NUDCD1: variants seen among roughly 807,000 people sequenced by gnomAD.
NUDCD1 encodes the protein nudC domain-containing protein 1.
Under a neutral mutation model 67.8 loss-of-function variants are expected in NUDCD1, and 60 were observed. The observed-to-expected ratio is 0.88, with a 90% confidence interval of 0.72 to 1.10. The LOEUF is 1.10. Among genes scored for constraint, NUDCD1 ranks in the 50% least tolerant of loss-of-function variants. NUDCD1 has a pLI of 0.00. For synonymous variants in NUDCD1, 244 were observed against 230.8 expected (o/e 1.06, Z -0.52); for missense variants, 643 against 695.0 (o/e 0.93, Z 0.84).
At chr8:109,259,631 A>T (rs1316020072) in intron 8 of NUDCD1, among the ~76,000 whole-genome samples, 2 of 152,172 alleles carry the variant, frequency 1.3e-5, no homozygotes, top group Non-Finnish European at 2.9e-5. Flanking sequence ...AGGCAGGTTG[A>T]GTACTGGGAA....
rs1274496779 is a variant in NUDCD1, at chr8:109,242,223, C to T, written c.*786G>A. ...ATGATAGATGTACAGGATCGATAAG[C>T]TCTTGCATATTGGAGCTTGCTCTCT... On this transcript the variant is annotated 3_prime_UTR_variant, in exon 10 of 10. Transcript: ENST00000239690. 1 of 397,172 alleles carries T rather than the reference C, an allele frequency of 2.5e-6. No individual in the cohort carries two copies. The highest frequency in any genetic ancestry group is 4.4e-6 in the Non-Finnish European group (1 of 225,102). 24.6% of individuals were successfully genotyped at this position (397,172 alleles called of 1,614,324 possible). A position where few individuals can be genotyped will look rare whatever the true frequency, so the allele number is the denominator to read the frequency against.
chr8:109,328,911 T>C (rs544280755), intron 1 of NUDCD1, among the ~76,000 whole-genome samples: 169 of 151,948 alleles, frequency 1.1e-3, no homozygotes, highest in African/African-American at 3.9e-3. Context: ...ATGAAGAGAA[T>C]TACCAATCAA....
chr8:109,325,539 C>G (rs1364226766), intron 1 of NUDCD1, among the ~76,000 whole-genome samples: 1 of 152,112 alleles, frequency 6.6e-6, no homozygotes, highest in Non-Finnish European at 1.5e-5. Context: ...CTCTACTTTT[C>G]CAGACAGAAG....
intron 1 of NUDCD1, among the ~76,000 whole-genome samples, chr8:109,328,928 C>T (rs1304656222): frequency 6.6e-6 from 1 of 151,974 alleles, no homozygotes; most frequent in Non-Finnish European, 1.5e-5. Flanking sequence ...TCAATAGAAG[C>T]CAATATAAAA....
intron 2 of NUDCD1, chr8:109,298,502 T>C (rs1814898068): frequency 6.6e-6 from 1 of 152,134 alleles, no homozygotes; most frequent in East Asian, 1.9e-4. Flanking sequence ...TAAACAAAAA[T>C]ATTCCATATT....
intron 2 of NUDCD1, among the ~76,000 whole-genome samples, chr8:109,301,050 CAA>C (rs1814975957): frequency 6.6e-6 from 1 of 152,140 alleles, no homozygotes; most frequent in African/African-American, 2.4e-5. Context: ...AAACAAATGC[CAA>C]GAGAATTCAC....
intron 1 of NUDCD1, among the ~76,000 whole-genome samples, chr8:109,328,064 C>T (rs992417964): frequency 1.3e-5 from 2 of 152,122 alleles, no homozygotes; most frequent in African/African-American, 4.8e-5. Context: ...CCACCAGAAA[C>T]ATCCAATAAG....
chr8:109,324,393 CAA>C (rs552947815), intron 1 of NUDCD1, among the ~76,000 whole-genome samples: 1 of 119,258 alleles, frequency 8.4e-6, no homozygotes, highest in African/African-American at 3.0e-5. Context: ...CAAAAAAATA[CAA>C]AAAAAAAAAA....
chr8:109,242,358 T>C lies in NUDCD1; in HGVS notation c.*651A>G. The stretch of plus-strand genomic sequence containing the variant: ...ACTGAATCGTGAAAAATAATAAAAG[T>C]CCTTGTTTTAAACCACTGAGTTTTG... On this transcript the variant is annotated 3_prime_UTR_variant, in exon 10 of 10. Coordinates refer to ENST00000239690, the MANE Select transcript of NUDCD1 (RefSeq NM_032869.4). 1 of 383,224 alleles carries C rather than the reference T, an allele frequency of 2.6e-6. No homozygotes were observed. Among genetic ancestry groups the C allele is most frequent in the Non-Finnish European group, 4.6e-6 (1 of 216,726 alleles). 23.7% of individuals were successfully genotyped at this position (383,224 alleles called of 1,614,324 possible).
intron 6 of NUDCD1, among the ~76,000 whole-genome samples, chr8:109,276,760 A>G (rs1814298918): frequency 6.6e-6 from 1 of 151,826 alleles, no homozygotes; most frequent in South Asian, 2.1e-4. Context: ...GGTTCAAGTG[A>G]CTCTCGTGCC....
chr8:109,262,906 T>A (rs1813898916), intron 8 of NUDCD1, among the ~76,000 whole-genome samples: 1 of 151,462 alleles, frequency 6.6e-6, no homozygotes. Flanking sequence ...ATATAAAAAA[T>A]TAGCTGGGTC....
chr8:109,242,422 T>C lies in NUDCD1; in HGVS notation c.*587A>G, dbSNP rs1039974699. ...TGCAGTGATGGATAATGTGAAATCT[T>C]ATCTCTCTTTGTCTATGTCTGTGGC... On this transcript the variant is annotated 3_prime_UTR_variant, in exon 10 of 10. Transcript: ENST00000239690. 9.7e-6 allele frequency: 3 copies of C among 310,534 alleles called. No individual in the cohort carries two copies. Among genetic ancestry groups the C allele is most frequent in the Non-Finnish European group, 1.7e-5 (3 of 171,548 alleles). The allele number at this position is 310,534 out of a possible 1,614,324, so 19.2% of individuals were successfully genotyped here. A position where few individuals can be genotyped will look rare whatever the true frequency, so the allele number is the denominator to read the frequency against.
chr8:109,305,705 C>T (rs2130076533), intron 2 of NUDCD1, among the ~76,000 whole-genome samples: 1 of 152,224 alleles, frequency 6.6e-6, no homozygotes, highest in Non-Finnish European at 1.5e-5. Context: ...ATTCACCAGG[C>T]TGCTAATCTT....
chr8:109,284,646 C>T (rs1158609011), intron 5 of NUDCD1, among the ~76,000 whole-genome samples: 1 of 151,718 alleles, frequency 6.6e-6, no homozygotes, highest in Admixed American at 6.6e-5. Context: ...CACACAGTAT[C>T]ATGGAAATTA....
chr8:109,293,193 T>C, intron 4 of NUDCD1, 151 bp downstream of exon 4: 13 of 430,614 alleles, frequency 3.0e-5, no homozygotes. Flanking sequence ...AAAAACTATC[T>C]ATACATATTC....
In NUDCD1 at chr8:109,258,585, GC is replaced by G. The variant is rs1813792339; in HGVS notation, c.1299+12419del. On this transcript the variant is annotated intron_variant, in intron 8 of 9. Transcript: ENST00000239690. ...TATGATAGCTGCTAAAAATGGCTTTGCCCTTTAAGATTCTAGAAGGAAAATA... is the reference window on the plus strand; with the variant it reads ...TATGATAGCTGCTAAAAATGGCTTTGCCTTTAAGATTCTAGAAGGAAAATA... Among the ~76,000 whole-genome samples the G allele has an allele frequency of 2.6e-5, 4 of 151,950 alleles. No homozygotes were observed. In the South Asian group the frequency reaches 8.3e-4, roughly 32 times the overall value.
At chr8:109,321,583 AAAG>A (rs1168717145) in intron 2 of NUDCD1, among the ~76,000 whole-genome samples, 1 of 152,162 alleles carries the variant, frequency 6.6e-6, no homozygotes, top group African/African-American at 2.4e-5. Context: ...ACCAAGGAAC[AAAG>A]AACAAACAGG....
At chr8:109,330,963 T>A (rs917510380) in intron 1 of NUDCD1, among the ~76,000 whole-genome samples, 2 of 152,020 alleles carry the variant, frequency 1.3e-5, no homozygotes, top group African/African-American at 4.8e-5. Context: ...GGTGATGGGT[T>A]GACGGGTGCA....
intron 8 of NUDCD1, among the ~76,000 whole-genome samples, chr8:109,265,476 T>C (rs1256564556): frequency 6.6e-6 from 1 of 152,218 alleles, no homozygotes; most frequent in African/African-American, 2.4e-5. Flanking sequence ...CTTGAAAGGA[T>C]TAACAATGTA....
Sources: allele counts gnomAD v4.1 joint callset (sites outside exome capture counted in the v4.1 genomes callset), GRCh38; gene constraint gnomAD v4.1.1; transcripts MANE v1.5; gene names NCBI Gene and HGNC (gene_info 2026-07-23, HGNC 2026-07-21).